Variants in ZNF385D observed in about 807,000 individuals in gnomAD.
The protein encoded by ZNF385D is zinc finger protein 659.
In ZNF385D, 15 loss-of-function variants were observed where a neutral mutation model predicts 35.8. The ratio of observed to expected loss-of-function variants is 0.42; its 90% CI spans 0.28 to 0.64. The LOEUF is 0.64. Ranked by LOEUF, ZNF385D falls within the 30% of genes least tolerant of loss-of-function variation. The pLI is 0.23. For missense variants in ZNF385D, 474 were observed against 494.6 expected, an observed-to-expected ratio of 0.96 and a Z score of 0.39; for synonymous variants, 212 against 186.8, an observed-to-expected ratio of 1.13 and a Z score of -1.10.
intron 2 of ZNF385D, among the ~76,000 whole-genome samples, chr3:22,175,195 C>CA: frequency 6.6e-6 from 1 of 151,924 alleles, no homozygotes; most frequent in Admixed American, 6.6e-5. Flanking sequence ...AAAAATATAA[C>CA]AAAGATTTAT....
At position 21,469,598 on chromosome 3, in the gene ZNF385D, A is replaced by T. The variant is rs188340759; in HGVS notation, c.440-32395T>A. On this transcript the variant is annotated intron_variant, in intron 4 of 7. Transcript: ENST00000281523. ...ATACATTTAGGTTTATACTCTGGGA[A>T]AAGTTTTTAGTTTGTTTTTATTATA... Among the ~76,000 whole-genome samples the T allele has an allele frequency of 3.4e-3, 519 of 152,314 alleles. 3 individuals are homozygous for T. Among genetic ancestry groups the T allele is most frequent in the African/African-American group, 0.012 (499 of 41,572 alleles).
intron 3 of ZNF385D, among the ~76,000 whole-genome samples, chr3:21,844,061 G>A (rs543382366): frequency 2.0e-5 from 3 of 152,016 alleles, no homozygotes; most frequent in African/African-American, 7.2e-5. Flanking sequence ...AATTTACAAG[G>A]ATGATATCTG....
chr3:22,031,878 T>C (rs1313920315), intron 3 of ZNF385D, among the ~76,000 whole-genome samples: 1 of 152,208 alleles, frequency 6.6e-6, no homozygotes, highest in Non-Finnish European at 1.5e-5. Context: ...TGAACACATA[T>C]AAATAAACAC....
intron 3 of ZNF385D, among the ~76,000 whole-genome samples, chr3:21,790,050 T>C (rs1348344049): frequency 6.6e-6 from 1 of 152,200 alleles, no homozygotes; most frequent in Non-Finnish European, 1.5e-5. Context: ...AGGGCCAAGA[T>C]GTAGAGCATA....
chr3:21,686,898 G>T (rs1294074399), intron 1 of ZNF385D, among the ~76,000 whole-genome samples: 1 of 152,172 alleles, frequency 6.6e-6, no homozygotes, highest in Non-Finnish European at 1.5e-5. Context: ...GTTAAATACA[G>T]CCACTAGTAC....
At chr3:22,274,613 G>C (rs1166466272) in intron 2 of ZNF385D, among the ~76,000 whole-genome samples, 1 of 151,864 alleles carries the variant, frequency 6.6e-6, no homozygotes, top group Non-Finnish European at 1.5e-5. Context: ...CTGTTTAACA[G>C]TTTGGCTCAC....
chr3:21,798,603 A>G (rs1319069458), intron 3 of ZNF385D, among the ~76,000 whole-genome samples: 1 of 152,156 alleles, frequency 6.6e-6, no homozygotes, highest in Non-Finnish European at 1.5e-5. Flanking sequence ...ACTCAGCGTC[A>G]ACTAATTAGA....
intron 1 of ZNF385D, among the ~76,000 whole-genome samples, chr3:21,704,428 T>C (rs1345688151): frequency 6.6e-6 from 1 of 151,876 alleles, no homozygotes; most frequent in East Asian, 2.0e-4. Flanking sequence ...TTGAATACCA[T>C]TCTTCATTTA....
chr3:21,978,267 T>A (rs1262518845), intron 3 of ZNF385D: 1 of 152,224 alleles, frequency 6.6e-6, no homozygotes, highest in Non-Finnish European at 1.5e-5. Context: ...AAATGTACAT[T>A]CACCAATCAG....
At chr3:22,231,077 G>A (rs1006402079) in intron 2 of ZNF385D, among the ~76,000 whole-genome samples, 1 of 152,150 alleles carries the variant, frequency 6.6e-6, no homozygotes, top group Non-Finnish European at 1.5e-5. Flanking sequence ...AAAACTGTGA[G>A]TGCCAACTCT....
intron 3 of ZNF385D, chr3:21,957,174 T>G (rs760270893): frequency 6.5e-6 from 1 of 154,304 alleles, no homozygotes; most frequent in Non-Finnish European, 1.4e-5. Flanking sequence ...TTCTGAGAAC[T>G]TCCCAGCCAT....
chr3:21,446,487 C>T (rs1434927334), intron 4 of ZNF385D, among the ~76,000 whole-genome samples: 24 of 91,852 alleles, frequency 2.6e-4, no homozygotes, highest in African/African-American at 3.8e-4. Context: ...AATCAATGAA[C>T]TTTTTTTTTT....
intron 3 of ZNF385D, among the ~76,000 whole-genome samples, chr3:22,144,159 A>G (rs1165722390): frequency 6.6e-6 from 1 of 152,256 alleles, no homozygotes; most frequent in African/African-American, 2.4e-5. Flanking sequence ...ATTTTTAGCT[A>G]AATTTAAGTA....
intron 3 of ZNF385D, among the ~76,000 whole-genome samples, chr3:22,136,897 C>A (rs890232649): frequency 6.6e-6 from 1 of 151,904 alleles, no homozygotes; most frequent in Non-Finnish European, 1.5e-5. Context: ...ACTATGAAAT[C>A]GGTAAAAAGA....
chr3:22,071,318 G>C (rs1258456772), intron 3 of ZNF385D, among the ~76,000 whole-genome samples: 1 of 151,998 alleles, frequency 6.6e-6, no homozygotes, highest in East Asian at 1.9e-4. Flanking sequence ...AACATTCAAG[G>C]TATACAGCAA....
intron 2 of ZNF385D, among the ~76,000 whole-genome samples, chr3:21,636,337 A>T (rs1194464311): frequency 8.4e-6 from 1 of 118,826 alleles, no homozygotes; most frequent in Admixed American, 9.6e-5. Flanking sequence ...GATATACATG[A>T]TTTTACATAT....
intron 5 of ZNF385D, among the ~76,000 whole-genome samples, chr3:21,428,483 C>T (rs1362287294): frequency 6.6e-6 from 1 of 152,078 alleles, no homozygotes. Flanking sequence ...CAGTTACACA[C>T]AAATCTTTAA....
chr3:21,715,620 T>C (rs1040037031), intron 1 of ZNF385D, among the ~76,000 whole-genome samples: 3 of 152,194 alleles, frequency 2.0e-5, no homozygotes, highest in Non-Finnish European at 2.9e-5. Context: ...AGACACCCAG[T>C]AGTGGGATTG....
chr3:22,238,917 G>T (rs1022005902), intron 2 of ZNF385D, among the ~76,000 whole-genome samples: 8 of 150,006 alleles, frequency 5.3e-5, no homozygotes, highest in African/African-American at 2.0e-4. Context: ...TGCAGAGACA[G>T]GGTCTTGCCA....
Sources: allele counts gnomAD v4.1 joint callset (sites outside exome capture counted in the v4.1 genomes callset), GRCh38; gene constraint gnomAD v4.1.1; transcripts MANE v1.5; gene names NCBI Gene and HGNC (gene_info 2026-07-23, HGNC 2026-07-21).